The following BIN2 variants were observed in gnomAD, a reference collection of about 807,000 sequenced individuals.
BIN2 encodes the protein bridging integrator 2.
Under a neutral mutation model 67.9 loss-of-function variants are expected in BIN2, and 43 were observed. The ratio of observed to expected loss-of-function variants is 0.63; its 90% CI spans 0.50 to 0.82. The LOEUF (loss-of-function observed/expected upper bound fraction) is 0.82. Among genes scored for constraint, BIN2 ranks in the 40% least tolerant of loss-of-function variants. BIN2 has a pLI of 0.00. For missense variants in BIN2, 581 were observed against 671.6 expected, an observed-to-expected ratio of 0.87 and a Z score of 1.49; for synonymous variants, 244 against 246.8, an observed-to-expected ratio of 0.99 and a Z score of 0.11.
In BIN2 at chr12:51,302,110, A is replaced by G. The variant is rs1344322448; in HGVS notation, c.318T>C (p.Asn106=). ...HEELKAIVWN[N]DLLWEDYEEK... is the part of the protein sequence containing the mutation. ...CCTCGTAGTCTTCCCAAAGGAGATC[A>G]TTATTCTGTAGGATAGAGTCAGAGG... Residue 106 remains asparagine (N), a synonymous_variant, in exon 5 of 13, where the codon AAT becomes AAC. Coordinates refer to ENST00000615107, the MANE Select transcript of BIN2 (RefSeq NM_016293.4). The G allele has an allele frequency of 4.4e-6, 7 of 1,608,898 alleles. No homozygotes were observed. The highest frequency in any genetic ancestry group is 3.3e-5 in the Admixed American group (2 of 59,980).
intron 7 of BIN2, among the ~76,000 whole-genome samples, chr12:51,298,096 A>T (rs1945618778): frequency 6.6e-6 from 1 of 152,040 alleles, no homozygotes; most frequent in Admixed American, 6.6e-5. Context: ...AAAAATGGCC[A>T]GGCACGGTGG....
intron 1 of BIN2, 51 bp downstream of exon 1, chr12:51,323,971 T>G: frequency 6.3e-7 from 1 of 1,596,108 alleles, no homozygotes; most frequent in Non-Finnish European, 8.6e-7. Context: ...GGGCTCGGCC[T>G]CGGCCTCGGC....
intron 1 of BIN2, among the ~76,000 whole-genome samples, chr12:51,318,548 C>G (rs1187336646): frequency 2.0e-5 from 3 of 152,220 alleles, no homozygotes; most frequent in Non-Finnish European, 4.4e-5. Flanking sequence ...GCGTGAGCCA[C>G]TGGGCCACCA....
intron 1 of BIN2, among the ~76,000 whole-genome samples, chr12:51,318,644 G>A (rs1044905478): frequency 2.0e-5 from 3 of 152,192 alleles, no homozygotes; most frequent in African/African-American, 7.2e-5. Context: ...GAGTTAGACA[G>A]ATATGGGCTC....
chr12:51,310,453 C>T (rs1327366416), intron 2 of BIN2, among the ~76,000 whole-genome samples: 2 of 152,134 alleles, frequency 1.3e-5, no homozygotes, highest in East Asian at 1.9e-4. Context: ...GGAATTTGGA[C>T]ACTGACAGGA....
chr12:51,290,378 C>G (rs1236679227), intron 10 of BIN2, among the ~76,000 whole-genome samples: 6 of 151,876 alleles, frequency 4.0e-5, no homozygotes. Flanking sequence ...ATCTGCCTGC[C>G]TTGGCCTCCC....
chr12:51,294,120 T>C (rs1363303187), intron 9 of BIN2, among the ~76,000 whole-genome samples: 1 of 152,076 alleles, frequency 6.6e-6, no homozygotes, highest in African/African-American at 2.4e-5. Context: ...AAATAAATCA[T>C]GAAGTAGGCA....
At chr12:51,312,018 C>T (rs960809047) in intron 2 of BIN2, among the ~76,000 whole-genome samples, 5 of 152,100 alleles carry the variant, frequency 3.3e-5, no homozygotes, top group Non-Finnish European at 7.4e-5. Flanking sequence ...GTGATCTGCC[C>T]GCCTCGGCCT....
intron 9 of BIN2, among the ~76,000 whole-genome samples, chr12:51,293,608 G>A (rs1945452568): frequency 6.6e-6 from 1 of 152,076 alleles, no homozygotes; most frequent in African/African-American, 2.4e-5. Flanking sequence ...CATCGTGCCT[G>A]GCACAAAAAC....
At chr12:51,293,020 A>G (rs992772493) in intron 9 of BIN2, among the ~76,000 whole-genome samples, 1 of 151,952 alleles carries the variant, frequency 6.6e-6, no homozygotes, top group African/African-American at 2.4e-5. Context: ...TTCAATATTA[A>G]TAAATTAATA....
At chr12:51,300,346 C>A (rs924877122) in intron 5 of BIN2, among the ~76,000 whole-genome samples, 1 of 152,004 alleles carries the variant, frequency 6.6e-6, no homozygotes, top group Non-Finnish European at 1.5e-5. Context: ...TCCTATGAAC[C>A]CATTATAAAC....
chr12:51,302,648 T>C (rs777862434), intron 4 of BIN2, 38 bp downstream of exon 4: 1 of 1,513,354 alleles, frequency 6.6e-7, no homozygotes, highest in East Asian at 2.3e-5. Context: ...CAAACAGGAG[T>C]AAGTGCCAAT....
chr12:51,307,672 T>C (rs1047425082), intron 2 of BIN2, among the ~76,000 whole-genome samples: 3 of 150,218 alleles, frequency 2.0e-5, no homozygotes, highest in Non-Finnish European at 3.0e-5. Context: ...ATTACACCAC[T>C]GCACTCCAAC....
intron 2 of BIN2, among the ~76,000 whole-genome samples, chr12:51,305,623 C>CAAA (rs201641166): frequency 8.4e-6 from 1 of 119,036 alleles, no homozygotes; most frequent in Non-Finnish European, 1.8e-5. Context: ...AACTCCATCT[C>CAAA]AAAAAAAAAA....
Position 51,324,130 on chromosome 12 carries a change from C to A in BIN2, c.-28G>T. 6.2e-7 allele frequency: 1 copy of A among 1,610,638 alleles called. No homozygotes were observed. Among genetic ancestry groups the A allele is most frequent in the Non-Finnish European group, 8.5e-7 (1 of 1,178,432 alleles). On this transcript the variant is annotated 5_prime_UTR_variant, in exon 1 of 13. The change creates a new upstream start codon in the 5' untranslated region. Coordinates refer to ENST00000615107, the MANE Select transcript of BIN2 (RefSeq NM_016293.4). ...TGCCAACTCCCTGGGGGCCGCCGCCCTGGCCCCGCGCCCTGTGGTTTTCTG... is the reference window on the plus strand; with the variant it reads ...TGCCAACTCCCTGGGGGCCGCCGCCATGGCCCCGCGCCCTGTGGTTTTCTG...
intron 12 of BIN2, among the ~76,000 whole-genome samples, chr12:51,282,300 C>G (rs1170143461): frequency 6.6e-6 from 1 of 151,940 alleles, no homozygotes; most frequent in Non-Finnish European, 1.5e-5. Context: ...TGCATAATGA[C>G]ATTTTGATCA....
intron 9 of BIN2, among the ~76,000 whole-genome samples, chr12:51,295,573 AAAAAATATATATATATATAT>A (rs1565675908): frequency 7.6e-5 from 3 of 39,706 alleles, no homozygotes; most frequent in African/African-American, 5.7e-4. Flanking sequence ...AAAAAAAAAA[AAAAAATATATATATATATAT>A]ATATATATAT....
chr12:51,313,458 C>G (rs1047165300), intron 2 of BIN2, among the ~76,000 whole-genome samples: 1 of 151,924 alleles, frequency 6.6e-6, no homozygotes, highest in South Asian at 2.1e-4. Flanking sequence ...CCTGCCTCAG[C>G]CTGCCGAGTA....
At chr12:51,287,705 G>A (rs1302071534) in intron 11 of BIN2, among the ~76,000 whole-genome samples, 1 of 150,358 alleles carries the variant, frequency 6.7e-6, no homozygotes, top group Non-Finnish European at 1.5e-5. Context: ...AGGCTGGAGT[G>A]CAGTGGCGCA....
Sources: gnomAD v4.1 joint callset for allele counts (sites outside exome capture counted in the v4.1 genomes callset) on GRCh38, gnomAD v4.1.1 for gene constraint, MANE v1.5 for transcripts, NCBI Gene and HGNC (gene_info 2026-07-23, HGNC 2026-07-21) for gene names.